Variants in CELF4 observed in about 807,000 individuals in gnomAD.
CELF4 encodes the protein CUG-BP- and ETR-3-like factor 4.
CELF4 carries 18 observed loss-of-function variants against 59.9 expected under a neutral mutation model. The observed-to-expected ratio is 0.30, with a 90% CI of 0.21 to 0.45. CELF4 has a LOEUF of 0.45. CELF4 is among the 20% of genes least tolerant of loss of function. The pLI, the probability that CELF4 is intolerant of heterozygous loss-of-function variation, is 1.00. For missense variants in CELF4, 456 were observed against 689.0 expected, an observed-to-expected ratio of 0.66 and a Z score of 3.79; for synonymous variants, 261 against 267.1, an observed-to-expected ratio of 0.98 and a Z score of 0.22.
At chr18:37,318,638 C>A (rs528217709) in intron 3 of CELF4, among the ~76,000 whole-genome samples, 19 of 145,624 alleles carry the variant, frequency 1.3e-4, no homozygotes, top group Admixed American at 2.7e-4. Context: ...CCTCCCCCCC[C>A]CCCCACTTTC....
At chr18:37,279,062 C>A (rs2093775720) in intron 3 of CELF4, among the ~76,000 whole-genome samples, 1 of 152,142 alleles carries the variant, frequency 6.6e-6, no homozygotes, top group Non-Finnish European at 1.5e-5. Context: ...GCCCCTGACT[C>A]CTGGTACAGG....
At chr18:37,501,129 T>C (rs949239402) in intron 1 of CELF4, among the ~76,000 whole-genome samples, 2 of 152,140 alleles carry the variant, frequency 1.3e-5, no homozygotes, top group African/African-American at 4.8e-5. Flanking sequence ...TGCAGAACCA[T>C]AGGGAGACCC....
intron 5 of CELF4, 172 bp from the exon 6 acceptor site, chr18:37,274,626 T>A (rs1435304017): frequency 1.3e-6 from 2 of 1,508,130 alleles, no homozygotes; most frequent in Non-Finnish European, 1.8e-6. Context: ...ATTTTCCACC[T>A]GGGTAACCTC....
intron 3 of CELF4, among the ~76,000 whole-genome samples, chr18:37,317,314 G>A (rs2096901249): frequency 6.6e-6 from 1 of 152,230 alleles, no homozygotes; most frequent in South Asian, 2.1e-4. Context: ...TTGAACCCGG[G>A]AGGCGGAGGT....
intron 3 of CELF4, among the ~76,000 whole-genome samples, chr18:37,306,942 A>G (rs1488903648): frequency 6.6e-6 from 1 of 152,134 alleles, no homozygotes; most frequent in Admixed American, 6.5e-5. Flanking sequence ...TCATTTCTCA[A>G]ATGCTGGGGC....
At chr18:37,461,925 G>A (rs1290999952) in intron 2 of CELF4, among the ~76,000 whole-genome samples, 3 of 152,238 alleles carry the variant, frequency 2.0e-5, no homozygotes, top group African/African-American at 7.2e-5. Flanking sequence ...TGAGGATGCT[G>A]AGAAGGACAA....
chr18:37,448,929 A>G (rs975472766), intron 2 of CELF4, among the ~76,000 whole-genome samples: 1 of 152,212 alleles, frequency 6.6e-6, no homozygotes, highest in Non-Finnish European at 1.5e-5. Flanking sequence ...ACACAGAGCC[A>G]GCTGACTGTT....
intron 1 of CELF4, among the ~76,000 whole-genome samples, chr18:37,532,387 C>T (rs756491183): frequency 6.6e-6 from 1 of 152,096 alleles, no homozygotes; most frequent in Non-Finnish European, 1.5e-5. Flanking sequence ...ATCTCAGTCA[C>T]CTTTGTAACC....
At chr18:37,378,096 C>G (rs565991784) in intron 2 of CELF4, among the ~76,000 whole-genome samples, 1 of 152,158 alleles carries the variant, frequency 6.6e-6, no homozygotes, top group African/African-American at 2.4e-5. Context: ...CTGTAAGACA[C>G]GAAAGAGAGC....
intron 2 of CELF4, among the ~76,000 whole-genome samples, chr18:37,471,670 T>C (rs1265798039): frequency 1.3e-5 from 2 of 152,084 alleles, no homozygotes; most frequent in African/African-American, 4.8e-5. Flanking sequence ...CGATCCATTG[T>C]CCTCTAATTG....
chr18:37,531,413 A>G (rs749276693), intron 1 of CELF4, among the ~76,000 whole-genome samples: 25 of 152,086 alleles, frequency 1.6e-4, no homozygotes, highest in Non-Finnish European at 3.2e-4. Flanking sequence ...GAAATTGCAC[A>G]TGTCCCCTTG....
At chr18:37,559,056 G>C (rs1400827627) in intron 1 of CELF4, among the ~76,000 whole-genome samples, 1 of 152,054 alleles carries the variant, frequency 6.6e-6, no homozygotes, top group East Asian at 1.9e-4. Context: ...AGGACTTCTG[G>C]ATGGGGATAT....
At chr18:37,497,577 G>A (rs765769428) in intron 1 of CELF4, among the ~76,000 whole-genome samples, 4 of 151,922 alleles carry the variant, frequency 2.6e-5, no homozygotes, top group African/African-American at 4.8e-5. Context: ...GCTTGAACCC[G>A]GGAGGCAGAG....
chr18:37,407,139 C>T (rs1230066642), intron 2 of CELF4, among the ~76,000 whole-genome samples: 1 of 152,158 alleles, frequency 6.6e-6, no homozygotes. Flanking sequence ...TCACTTTCCT[C>T]CCTTACAAGA....
At chr18:37,250,302 A>G (rs551659730) in intron 12 of CELF4, among the ~76,000 whole-genome samples, 84 of 152,294 alleles carry the variant, frequency 5.5e-4, no homozygotes, top group African/African-American at 1.9e-3. Flanking sequence ...GGAAGCAGAA[A>G]ACCCGCCAGG....
At chr18:37,497,364 A>G (rs985185495) in intron 1 of CELF4, among the ~76,000 whole-genome samples, 2 of 152,182 alleles carry the variant, frequency 1.3e-5, no homozygotes, top group African/African-American at 4.8e-5. Context: ...TTTAAAAGAG[A>G]CAATTGGTGC....
At chr18:37,339,866 AG>A (rs1224562392) in intron 2 of CELF4, among the ~76,000 whole-genome samples, 1 of 152,096 alleles carries the variant, frequency 6.6e-6, no homozygotes, top group Non-Finnish European at 1.5e-5. Flanking sequence ...CAGGGGGCAA[AG>A]GCAAGGGGAG....
intron 3 of CELF4, among the ~76,000 whole-genome samples, chr18:37,301,057 G>T (rs760507027): frequency 6.6e-6 from 1 of 152,160 alleles, no homozygotes; most frequent in South Asian, 2.1e-4. Flanking sequence ...CAGTGGTGGG[G>T]CAGGAGACAC....
intron 2 of CELF4, among the ~76,000 whole-genome samples, chr18:37,411,846 G>A (rs1407509232): frequency 1.3e-5 from 2 of 152,218 alleles, no homozygotes; most frequent in African/African-American, 4.8e-5. Flanking sequence ...GTTCAGCTGT[G>A]CCAACTGTGC....
Sources: allele counts gnomAD v4.1 joint callset (sites outside exome capture counted in the v4.1 genomes callset), GRCh38; gene constraint gnomAD v4.1.1; transcripts MANE v1.5; gene names NCBI Gene and HGNC (gene_info 2026-07-23, HGNC 2026-07-21).